The following SLC12A1 variants were observed in gnomAD, a reference collection of about 807,000 sequenced individuals.
The protein encoded by SLC12A1 is solute carrier family 12 member 1, also known as Na-K-2Cl cotransporter.
A neutral mutation model predicts 130.4 loss-of-function variants in SLC12A1; 89 were observed. That is an observed-to-expected ratio of 0.68 (90% CI 0.58 to 0.81). The LOEUF (loss-of-function observed/expected upper bound fraction) is 0.81. SLC12A1 is among the 40% of genes least tolerant of loss of function. The pLI is 0.00. For synonymous variants in SLC12A1, 499 were observed against 460.0 expected, an observed-to-expected ratio of 1.08 and a Z score of -1.09; for missense variants, 1,310 against 1,336.4, an observed-to-expected ratio of 0.98 and a Z score of 0.31.
chr15:48,256,241 C>G (rs1375333111), intron 16 of SLC12A1, among the ~76,000 whole-genome samples: 2 of 152,238 alleles, frequency 1.3e-5, no homozygotes, highest in African/African-American at 4.8e-5. Context: ...TGTTTCCATT[C>G]TGCTTAAGGC....
intron 24 of SLC12A1, among the ~76,000 whole-genome samples, chr15:48,297,300 A>G (rs2041686441): frequency 6.6e-6 from 1 of 152,186 alleles, no homozygotes. Context: ...GGTTTCACTA[A>G]CCTAAGCCAC....
At chr15:48,256,229 A>T (rs1338059683) in intron 16 of SLC12A1, among the ~76,000 whole-genome samples, 1 of 152,218 alleles carries the variant, frequency 6.6e-6, no homozygotes, top group African/African-American at 2.4e-5. Flanking sequence ...TTACTCTGCT[A>T]TTGTTTCCAT....
At chr15:48,255,436 C>CAAAAA (rs373793834) in intron 15 of SLC12A1, among the ~76,000 whole-genome samples, 1 of 89,328 alleles carries the variant, frequency 1.1e-5, no homozygotes. Context: ...AACTCCATCT[C>CAAAAA]AAAAAAAAAA....
intron 15 of SLC12A1, 85 bp downstream of exon 15, chr15:48,251,855 G>A (rs8026268): frequency 8.4e-7 from 1 of 1,186,940 alleles, no homozygotes; most frequent in East Asian, 2.3e-5. Context: ...AGCTTCTATG[G>A]GCTTAGGTGA....
In SLC12A1 at chr15:48,239,898, G is replaced by A. The variant is rs550035387; in HGVS notation, c.1216-1617G>A. Among the ~76,000 whole-genome samples, 321 of 151,536 alleles carry A rather than the reference G, an allele frequency of 2.1e-3. 2 individuals are homozygous for A. Among genetic ancestry groups the A allele is most frequent in the African/African-American group, 7.6e-3 (313 of 41,360 alleles). ...ACTCCTGACCTCAGGTGATCTGCCC[G>A]CCTTGGCCTCCCAAAGTGCTGGGAT... On this transcript the variant is annotated intron_variant, in intron 9 of 26. Coordinates refer to ENST00000380993, the MANE Select transcript of SLC12A1 (RefSeq NM_000338.3).
At chr15:48,277,279 T>C (rs1458606004) in intron 20 of SLC12A1, among the ~76,000 whole-genome samples, 1 of 151,690 alleles carries the variant, frequency 6.6e-6, no homozygotes, top group East Asian at 1.9e-4. Context: ...GGGAAAGGCA[T>C]GAATGGAAGA....
chr15:48,267,510 A>G (rs1677036263), intron 17 of SLC12A1, 51 bp from the exon 18 acceptor site: 1 of 1,599,724 alleles, frequency 6.3e-7, no homozygotes, highest in Non-Finnish European at 8.5e-7. Context: ...AACAACAGCA[A>G]TGTGATATAT....
At chr15:48,275,068 G>T (rs1312853537) in intron 20 of SLC12A1, among the ~76,000 whole-genome samples, 1 of 152,198 alleles carries the variant, frequency 6.6e-6, no homozygotes, top group African/African-American at 2.4e-5. Flanking sequence ...ATGGAAATGA[G>T]CCTGAATGTA....
At chr15:48,289,516 AT>A (rs1170064984) in intron 23 of SLC12A1, among the ~76,000 whole-genome samples, 1 of 151,290 alleles carries the variant, frequency 6.6e-6, no homozygotes, top group Non-Finnish European at 1.5e-5. Flanking sequence ...ACACTGCTAC[AT>A]TGTTACATTC....
chr15:48,294,326 C>T lies in SLC12A1; in HGVS notation c.2960+2462C>T, dbSNP rs1332772641. The stretch of plus-strand genomic sequence containing the variant: ...TCGCACCACTGCACCTCAGCCTGGG[C>T]GACAGAGCAAGACTACATCTCAAAA... On this transcript the variant is annotated intron_variant, in intron 24 of 26. Transcript: ENST00000380993. Among the ~76,000 whole-genome samples, 18 of 127,202 alleles carry T rather than the reference C, an allele frequency of 1.4e-4. No homozygotes were observed. In the South Asian group the frequency reaches 2.4e-3, roughly 17 times the overall value. 83.4% of individuals were successfully genotyped at this position (127,202 alleles called of 152,430 possible).
intron 20 of SLC12A1, among the ~76,000 whole-genome samples, chr15:48,277,871 T>C (rs1401136537): frequency 1.3e-5 from 2 of 152,206 alleles, no homozygotes; most frequent in South Asian, 2.1e-4. Context: ...GATCAAGTGT[T>C]TGTATAAGAC....
chr15:48,284,011 G>A (rs1444987897), intron 20 of SLC12A1, among the ~76,000 whole-genome samples: 1 of 152,156 alleles, frequency 6.6e-6, no homozygotes, highest in Non-Finnish European at 1.5e-5. Context: ...GTCACAATCG[G>A]AATCCAAAAA....
chr15:48,257,928 T>G (rs1056991476), intron 16 of SLC12A1, among the ~76,000 whole-genome samples: 4 of 151,760 alleles, frequency 2.6e-5, no homozygotes, highest in Non-Finnish European at 5.9e-5. Flanking sequence ...TTTTTCCAAC[T>G]TTTTTGCTCT....
rs532747928 is a variant in SLC12A1, at chr15:48,274,741, A to T, written c.2485+88A>T. ...GTTATGGGATACAGCAGGGCACAAT[A>T]TAGACAAAACTCCTTGACAGTGGAG... On this transcript the variant is annotated intron_variant, in intron 20 of 26. Coordinates refer to ENST00000380993, the MANE Select transcript of SLC12A1 (RefSeq NM_000338.3). 80 of 828,796 alleles carry T rather than the reference A, an allele frequency of 9.7e-5. No individual in the cohort carries two copies. In the African/African-American group the frequency reaches 1.3e-3, roughly 13 times the overall value. The allele number at this position is 828,796 out of a possible 1,614,324, so 51.3% of individuals were successfully genotyped here. A position where few individuals can be genotyped will look rare whatever the true frequency, so the allele number is the denominator to read the frequency against.
intron 2 of SLC12A1, among the ~76,000 whole-genome samples, chr15:48,216,286 C>A (rs1459547724): frequency 6.6e-6 from 1 of 152,096 alleles, no homozygotes; most frequent in Non-Finnish European, 1.5e-5. Flanking sequence ...AATTGAAGAA[C>A]CATTAAACTG....
At chr15:48,297,514 ACCTTCT>A (rs2042190215) in intron 24 of SLC12A1, among the ~76,000 whole-genome samples, 1 of 152,214 alleles carries the variant, frequency 6.6e-6, no homozygotes, top group Non-Finnish European at 1.5e-5. Flanking sequence ...CCTCTACTCC[ACCTTCT>A]ATTTCTTAGG....
chr15:48,237,680 C>CTACTATA (rs1313243632), intron 9 of SLC12A1, among the ~76,000 whole-genome samples: 1 of 152,182 alleles, frequency 6.6e-6, no homozygotes, highest in African/African-American at 2.4e-5. Flanking sequence ...AACACATACA[C>CTACTATA]TACTATATAC....
rs142788436 is a variant in SLC12A1, at chr15:48,255,498, G to C, written c.1943-313G>C. ...TTTGAATTTATTCAGGGACTGACCA[G>C]TTTCCCAAGTCTATATGCCTGCAAT... On this transcript the variant is annotated intron_variant, in intron 15 of 26. Transcript: ENST00000380993. Among the ~76,000 whole-genome samples, 57 of 152,064 alleles carry C rather than the reference G, an allele frequency of 3.7e-4. 2 individuals carry two copies. The East Asian group carries it at 0.01, about 28-fold the overall frequency.
chr15:48,251,978 G>A (rs1307096223), intron 15 of SLC12A1, among the ~76,000 whole-genome samples: 1 of 152,158 alleles, frequency 6.6e-6, no homozygotes, highest in African/African-American at 2.4e-5. Context: ...GCTGAGGTAG[G>A]CAGATCACAA....
Sources: allele counts gnomAD v4.1 joint callset (sites outside exome capture counted in the v4.1 genomes callset), GRCh38; gene constraint gnomAD v4.1.1; transcripts MANE v1.5; gene names NCBI Gene and HGNC (gene_info 2026-07-23, HGNC 2026-07-21).